Variants in PHACTR1 observed in about 807,000 individuals in gnomAD.
The protein encoded by PHACTR1 is RPEL repeat containing 1.
In PHACTR1, 16 loss-of-function variants were observed where a neutral mutation model predicts 69.2. The ratio of observed to expected loss-of-function variants is 0.23; its 90% CI spans 0.16 to 0.35. The LOEUF is 0.35. Among genes scored for constraint, PHACTR1 ranks in the 10% least tolerant of loss-of-function variants. The pLI, the probability that PHACTR1 is intolerant of heterozygous loss-of-function variation, is 1.00. For missense variants in PHACTR1, 510 were observed against 734.7 expected, an observed-to-expected ratio of 0.69 and a Z score of 3.54; for synonymous variants, 312 against 284.5, an observed-to-expected ratio of 1.10 and a Z score of -0.97.
intron 4 of PHACTR1, among the ~76,000 whole-genome samples, chr6:12,982,418 C>T (rs1193504316): frequency 3.3e-5 from 5 of 152,230 alleles, no homozygotes; most frequent in African/African-American, 2.4e-5. Flanking sequence ...TGGTGGCTCA[C>T]GCCTGTAATC....
At chr6:13,164,881 C>T (rs1483782711) in intron 6 of PHACTR1, among the ~76,000 whole-genome samples, 4 of 151,902 alleles carry the variant, frequency 2.6e-5, no homozygotes, top group South Asian at 4.2e-4. Context: ...TCTCAAATGT[C>T]GACTGAACCG....
intron 10 of PHACTR1, 90 bp from the exon 11 acceptor site, chr6:13,272,770 C>CT (rs772591842): frequency 3.1e-6 from 5 of 1,613,490 alleles, no homozygotes; most frequent in Non-Finnish European, 4.2e-6. Flanking sequence ...CAGCCACTGA[C>CT]TGTCTCATGT....
chr6:13,146,413 C>T (rs372076897), intron 5 of PHACTR1, among the ~76,000 whole-genome samples: 5 of 152,158 alleles, frequency 3.3e-5, no homozygotes, highest in African/African-American at 1.2e-4. Context: ...ATAATAAGAA[C>T]AACCAAAAAC....
intron 4 of PHACTR1, among the ~76,000 whole-genome samples, chr6:12,795,670 A>G (rs1772893454): frequency 6.6e-6 from 1 of 152,170 alleles, no homozygotes; most frequent in Admixed American, 6.5e-5. Context: ...CATTGTGCCC[A>G]TACATATTAA....
intron 7 of PHACTR1, among the ~76,000 whole-genome samples, chr6:13,184,360 A>C (rs1762564136): frequency 6.6e-6 from 1 of 152,180 alleles, no homozygotes. Context: ...AAGGGCAAGC[A>C]GGCCCCAGCG....
At chr6:13,024,898 G>A (rs1801470360) in intron 4 of PHACTR1, among the ~76,000 whole-genome samples, 1 of 152,176 alleles carries the variant, frequency 6.6e-6, no homozygotes, top group Non-Finnish European at 1.5e-5. Flanking sequence ...TAAGACACTA[G>A]AAATGGCTTG....
intron 4 of PHACTR1, among the ~76,000 whole-genome samples, chr6:12,899,772 G>A (rs933153868): frequency 6.6e-6 from 1 of 152,234 alleles, no homozygotes; most frequent in African/African-American, 2.4e-5. Flanking sequence ...TGAGGAAAGT[G>A]TATGACATTA....
intron 4 of PHACTR1, among the ~76,000 whole-genome samples, chr6:12,904,884 T>G (rs1375199181): frequency 2.0e-5 from 3 of 152,190 alleles, no homozygotes; most frequent in Non-Finnish European, 4.4e-5. Context: ...AATAGTGATT[T>G]TGTTGAGATG....
chr6:12,824,596 T>A (rs1490740661), intron 4 of PHACTR1, among the ~76,000 whole-genome samples: 1 of 152,192 alleles, frequency 6.6e-6, no homozygotes, highest in Non-Finnish European at 1.5e-5. Flanking sequence ...AAGAATGGAA[T>A]TCAGAAAGTT....
intron 5 of PHACTR1, among the ~76,000 whole-genome samples, chr6:13,154,979 C>T (rs1393659132): frequency 1.3e-5 from 2 of 152,062 alleles, no homozygotes; most frequent in Admixed American, 6.5e-5. Context: ...CTGTGTTTTA[C>T]GGGTCAGTCA....
chr6:12,858,721 AAG>A (rs747780398), intron 4 of PHACTR1, among the ~76,000 whole-genome samples: 8 of 152,036 alleles, frequency 5.3e-5, no homozygotes, highest in Non-Finnish European at 8.8e-5. Flanking sequence ...CCTTTTGCCC[AAG>A]AGTTTCAGTA....
At chr6:12,798,530 C>T (rs2127673248) in intron 4 of PHACTR1, among the ~76,000 whole-genome samples, 1 of 152,254 alleles carries the variant, frequency 6.6e-6, no homozygotes, top group Admixed American at 6.5e-5. Flanking sequence ...GTAAATAAAG[C>T]ATGATAGAAC....
chr6:13,098,594 A>G (rs538379751), intron 5 of PHACTR1, among the ~76,000 whole-genome samples: 1 of 152,252 alleles, frequency 6.6e-6, no homozygotes, highest in East Asian at 1.9e-4. Context: ...GATGGCCAAA[A>G]CTAAACTCAT....
intron 4 of PHACTR1, among the ~76,000 whole-genome samples, chr6:12,856,747 T>A (rs1780411951): frequency 6.6e-6 from 1 of 152,180 alleles, no homozygotes; most frequent in African/African-American, 2.4e-5. Context: ...TCCAACCAGC[T>A]CTCAGCAGCT....
At chr6:12,765,292 A>G (rs542416825) in intron 4 of PHACTR1, among the ~76,000 whole-genome samples, 25 of 152,334 alleles carry the variant, frequency 1.6e-4, no homozygotes, top group African/African-American at 5.1e-4. Flanking sequence ...ACAAGTTAAC[A>G]ATTTCATCAA....
chr6:12,867,009 G>A (rs1468919119), intron 4 of PHACTR1, among the ~76,000 whole-genome samples: 2 of 152,112 alleles, frequency 1.3e-5, no homozygotes, highest in Non-Finnish European at 2.9e-5. Flanking sequence ...TTTAAGCTTA[G>A]CTAATAGTTT....
intron 4 of PHACTR1, among the ~76,000 whole-genome samples, chr6:12,917,207 T>C (rs952098565): frequency 6.6e-6 from 1 of 152,214 alleles, no homozygotes; most frequent in African/African-American, 2.4e-5. Flanking sequence ...CAGTTTATGT[T>C]TTTCAGATCA....
At chr6:13,264,368 C>G (rs1776317532) in intron 10 of PHACTR1, among the ~76,000 whole-genome samples, 1 of 152,156 alleles carries the variant, frequency 6.6e-6, no homozygotes, top group African/African-American at 2.4e-5. Context: ...CCCTCCACCC[C>G]CCACCATCTA....
At chr6:13,030,980 G>C (rs1475695800) in intron 4 of PHACTR1, among the ~76,000 whole-genome samples, 3 of 152,210 alleles carry the variant, frequency 2.0e-5, no homozygotes, top group Admixed American at 1.3e-4. Context: ...CCACTCACTA[G>C]ATGCCAGTAG....
Sources: gnomAD v4.1 joint callset for allele counts (sites outside exome capture counted in the v4.1 genomes callset) on GRCh38, gnomAD v4.1.1 for gene constraint, MANE v1.5 for transcripts, NCBI Gene and HGNC (gene_info 2026-07-23, HGNC 2026-07-21) for gene names.